Variants in KLRG1 observed in about 807,000 individuals in gnomAD.
The protein encoded by KLRG1 is killer cell lectin like receptor G1.
Under a neutral mutation model 21.8 loss-of-function variants are expected in KLRG1, and 16 were observed. The observed-to-expected ratio is 0.73, with a 90% CI of 0.50 to 1.11. The LOEUF (loss-of-function observed/expected upper bound fraction) is 1.11, where lower values mean the gene tolerates loss of function less well. Ranked by LOEUF, KLRG1 falls within the 50% of genes most tolerant of loss-of-function variation. KLRG1 has a pLI of 0.00. For missense variants in KLRG1, 173 were observed against 218.3 expected (o/e 0.79, Z 1.31); for synonymous variants, 69 against 75.9 (o/e 0.91, Z 0.47).
chr12:9,195,248 A>T, the KLRG1 span, among the ~76,000 whole-genome samples: 1 of 152,168 alleles, frequency 6.6e-6, no homozygotes, highest in African/African-American at 2.4e-5. Flanking sequence ...ATTTAAAATA[A>T]TAAAAATACA....
At chr12:9,166,723 C>T in the KLRG1 span, among the ~76,000 whole-genome samples, 1 of 152,146 alleles carries the variant, frequency 6.6e-6, no homozygotes, top group Non-Finnish European at 1.5e-5. Context: ...AAGATTAGAG[C>T]ATTAGATTTT....
At chr12:8,973,644 A>G (rs1481841447) in intron 1 of KLRG1, among the ~76,000 whole-genome samples, 1 of 152,236 alleles carries the variant, frequency 6.6e-6, no homozygotes, top group Non-Finnish European at 1.5e-5. Flanking sequence ...AAGACATAGT[A>G]TGGATATTTT....
intron 1 of KLRG1, among the ~76,000 whole-genome samples, chr12:8,969,928 C>A (rs1242685544): frequency 6.6e-6 from 1 of 152,162 alleles, no homozygotes. Context: ...CCAGACTGGG[C>A]AACATGGTGA....
chr12:9,160,015 T>A, the KLRG1 span: 2 of 1,613,684 alleles, frequency 1.2e-6, no homozygotes, highest in South Asian at 2.2e-5. Flanking sequence ...AGTTCAGCTG[T>A]CTCTGGTAAC....
chr12:9,130,725 AT>A, the KLRG1 span, among the ~76,000 whole-genome samples: 27 of 149,340 alleles, frequency 1.8e-4, no homozygotes, highest in East Asian at 4.0e-4. Context: ...TTCTTTGTAA[AT>A]TTTTTTTTCC....
chr12:9,136,139 G>T, the KLRG1 span, among the ~76,000 whole-genome samples: 4 of 152,198 alleles, frequency 2.6e-5, no homozygotes, highest in Non-Finnish European at 5.9e-5. Context: ...GACCTTGAAA[G>T]TAGCAAGTGA....
chr12:9,043,921 G>C, the KLRG1 span, among the ~76,000 whole-genome samples: 1 of 152,194 alleles, frequency 6.6e-6, no homozygotes, highest in Non-Finnish European at 1.5e-5. Flanking sequence ...TGCAGGGAGA[G>C]AGAGAACAAG....
At chr12:8,961,720 G>A (rs1359814805) in intron 1 of KLRG1, among the ~76,000 whole-genome samples, 1 of 152,014 alleles carries the variant, frequency 6.6e-6, no homozygotes, top group Non-Finnish European at 1.5e-5. Flanking sequence ...CCATGGCAGC[G>A]ATTTTTAAAA....
At chr12:9,065,299 C>A in the KLRG1 span, 1 of 152,490 alleles carries the variant, frequency 6.6e-6, no homozygotes, top group Non-Finnish European at 1.5e-5. Flanking sequence ...GGTGCAGCTG[C>A]AGCCACCTTG....
the KLRG1 span, among the ~76,000 whole-genome samples, chr12:9,016,578 T>A: frequency 2.0e-5 from 3 of 152,298 alleles, no homozygotes; most frequent in Middle Eastern, 0.01. Flanking sequence ...CCCAAACATT[T>A]AGAGAATAAC....
chr12:9,195,868 A>G, the KLRG1 span, among the ~76,000 whole-genome samples: 1 of 79,400 alleles, frequency 1.3e-5, no homozygotes, highest in African/African-American at 5.0e-5. Context: ...ATATAAAAAT[A>G]TAATAATAAT....
Position 9,009,549 on chromosome 12 carries a change from T to G in KLRG1, c.*12T>G. The G allele has an allele frequency of 6.2e-7, 1 of 1,613,524 alleles. No individual in the cohort carries two copies. The highest frequency in any genetic ancestry group is 8.5e-7 in the Non-Finnish European group (1 of 1,179,696). On this transcript the variant is annotated 3_prime_UTR_variant, in exon 5 of 5. Coordinates refer to ENST00000356986, the MANE Select transcript of KLRG1 (RefSeq NM_005810.4). ...AGGTCAGACTTTGATAGATGACCAC[T>G]CTGTCCTGACCCTCAGATCTGTCAT...
chr12:8,980,207 C>A (rs1056246763), intron 1 of KLRG1, among the ~76,000 whole-genome samples: 1 of 152,124 alleles, frequency 6.6e-6, no homozygotes, highest in Non-Finnish European at 1.5e-5. Flanking sequence ...GTGTGAGTCA[C>A]CATGCCTGGC....
At chr12:9,141,880 A>G in the KLRG1 span, among the ~76,000 whole-genome samples, 7 of 152,202 alleles carry the variant, frequency 4.6e-5, no homozygotes, top group Non-Finnish European at 7.4e-5. Flanking sequence ...ATTTAACTCC[A>G]TGTGTCCTAG....
the KLRG1 span, among the ~76,000 whole-genome samples, chr12:9,102,465 C>T: frequency 6.6e-6 from 1 of 152,172 alleles, no homozygotes; most frequent in African/African-American, 2.4e-5. Context: ...ATCCACCCAC[C>T]TCAGCCTCCC....
intron 1 of KLRG1, among the ~76,000 whole-genome samples, chr12:8,965,742 C>G (rs1401358265): frequency 6.6e-6 from 1 of 152,268 alleles, no homozygotes; most frequent in East Asian, 1.9e-4. Flanking sequence ...GAATCAATAT[C>G]GTGAAAATGG....
chr12:9,034,191 G>A, the KLRG1 span, among the ~76,000 whole-genome samples: 12 of 152,336 alleles, frequency 7.9e-5, no homozygotes, highest in African/African-American at 2.2e-4. Context: ...CACATATGCC[G>A]TAATTATATC....
chr12:9,000,223 G>T (rs978556395), intron 3 of KLRG1, among the ~76,000 whole-genome samples: 1 of 152,084 alleles, frequency 6.6e-6, no homozygotes, highest in African/African-American at 2.4e-5. Flanking sequence ...CAAAGAAATG[G>T]CTGGAAACAC....
chr12:9,164,186 A>C, the KLRG1 span: 1 of 1,610,124 alleles, frequency 6.2e-7, no homozygotes, highest in Non-Finnish European at 8.5e-7. Flanking sequence ...ATTTCCACAG[A>C]TACAATAGGA....
Sources: allele counts gnomAD v4.1 joint callset (sites outside exome capture counted in the v4.1 genomes callset), GRCh38; gene constraint gnomAD v4.1.1; transcripts MANE v1.5; gene names NCBI Gene and HGNC (gene_info 2026-07-23, HGNC 2026-07-21).